The following CX3CR1 variants were observed in gnomAD, a reference collection of about 807,000 sequenced individuals.
The protein encoded by CX3CR1 is C-X3-C motif chemokine receptor 1, also known as CX3C chemokine receptor 1.
For missense variants in CX3CR1, 363 were observed against 432.4 expected (o/e 0.84, Z 1.42); for synonymous variants, 168 against 178.5 (o/e 0.94, Z 0.47).
At chr3:39,287,959 G>A in the CX3CR1 span, 8 of 151,070 alleles carry the variant, frequency 5.3e-5, no homozygotes, top group Non-Finnish European at 7.4e-5. Context: ...AAAAGCTCAC[G>A]TATGTGTGTG....
the CX3CR1 span, among the ~76,000 whole-genome samples, chr3:39,289,944 T>C: frequency 6.6e-6 from 1 of 152,242 alleles, no homozygotes; most frequent in African/African-American, 2.4e-5. Flanking sequence ...ATTTCTATTG[T>C]TTAAGCCACC....
chr3:39,284,994 GA>G (rs1482489979), upstream of CX3CR1, among the ~76,000 whole-genome samples: 3 of 151,992 alleles, frequency 2.0e-5, no homozygotes, highest in Admixed American at 1.3e-4. Context: ...TTCAGAAGCA[GA>G]AAAAAAGTCT....
chr3:39,282,277 G>T (rs375942989), upstream of CX3CR1, among the ~76,000 whole-genome samples: 1 of 152,078 alleles, frequency 6.6e-6, no homozygotes, highest in Admixed American at 6.6e-5. Flanking sequence ...CTGGCTCAGC[G>T]CTGGGAATTC....
upstream of CX3CR1, chr3:39,281,680 C>T (rs1277195372): frequency 5.0e-6 from 8 of 1,598,840 alleles, no homozygotes; most frequent in Non-Finnish European, 3.4e-6. Context: ...TTAAACGCCT[C>T]CAGGGGTTCT....
chr3:39,269,123 T>A (rs2040741608), intron 1 of CX3CR1, among the ~76,000 whole-genome samples: 1 of 151,518 alleles, frequency 6.6e-6, no homozygotes, highest in Admixed American at 6.6e-5. Flanking sequence ...TCTGTTTGGA[T>A]TAATATTGAT....
At chr3:39,277,241 T>C (rs978916396) in intron 1 of CX3CR1, among the ~76,000 whole-genome samples, 2 of 152,158 alleles carry the variant, frequency 1.3e-5, no homozygotes, top group African/African-American at 4.8e-5. Context: ...CAGCGTGCCG[T>C]GAGAATCCCA....
chr3:39,280,452 A>G (rs959015402), upstream of CX3CR1: 1 of 985,364 alleles, frequency 1.0e-6, no homozygotes, highest in African/African-American at 1.7e-5. Context: ...AGTCCCAGGC[A>G]CTGGGAGCTT....
chr3:39,273,092 CT>C (rs2040798190), intron 1 of CX3CR1, among the ~76,000 whole-genome samples: 1 of 152,274 alleles, frequency 6.6e-6, no homozygotes, highest in Non-Finnish European at 1.5e-5. Flanking sequence ...CCGCACAATG[CT>C]TTTCTCCCTG....
rs193246793 is a variant in CX3CR1 at position 39,265,628 on chromosome 3, T to C, written c.882A>G (p.Ala294=). 26 of 1,614,122 alleles carry C rather than the reference T, an allele frequency of 1.6e-5. No individual in the cohort carries two copies. The African/African-American group carries it at 3.2e-4, about 20-fold the overall frequency. Residue 294 remains alanine, a synonymous_variant, in exon 2 of 2, where the codon GCA becomes GCG. Coordinates refer to ENST00000399220, the MANE Select transcript of CX3CR1 (RefSeq NM_001337.4). Reference sequence around the variant, plus strand: ...ATCTTCTGAACTTCTCCCCAGCAAATGCATAGATGAGAGGATTCAGGCAAC... The same window carrying C: ...ATCTTCTGAACTTCTCCCCAGCAAACGCATAGATGAGAGGATTCAGGCAAC... ...SHCCLNPLIY[A]FAGEKFRRYL... is the part of the protein sequence containing the mutation.
chr3:39,281,072 C>T (rs780274346), upstream of CX3CR1: 101 of 991,536 alleles, frequency 1.0e-4, 1 homozygote, highest in Non-Finnish European at 1.2e-4. Context: ...CCGAGGACAG[C>T]GGGTGCTCTG....
chr3:39,283,820 TATATATATATATA>T (rs1177036199), upstream of CX3CR1, among the ~76,000 whole-genome samples: 2 of 69,238 alleles, frequency 2.9e-5, no homozygotes, highest in Non-Finnish European at 6.0e-5. Flanking sequence ...TATATATATA[TATATATATATATA>T]TATATATAAT....
chr3:39,283,727 C>T (rs184727194), upstream of CX3CR1, among the ~76,000 whole-genome samples: 2,288 of 142,166 alleles, frequency 0.016, 62 homozygotes, highest in African/African-American at 0.056. Context: ...TTGCAGTGAG[C>T]CGAGATAGCG....
chr3:39,287,601 G>A, the CX3CR1 span: 9 of 152,108 alleles, frequency 5.9e-5, no homozygotes, highest in Admixed American at 2.0e-4. Flanking sequence ...GACAAATTTG[G>A]AATATCCTTG....
At chr3:39,285,143 G>T (rs2040935622), upstream of CX3CR1, among the ~76,000 whole-genome samples, 1 of 150,446 alleles carries the variant, frequency 6.6e-6, no homozygotes, top group African/African-American at 2.4e-5. Context: ...GGAGGCCAAA[G>T]TGGGAAGATC....
At chr3:39,288,810 T>C in the CX3CR1 span, among the ~76,000 whole-genome samples, 12 of 152,238 alleles carry the variant, frequency 7.9e-5, no homozygotes, top group African/African-American at 2.7e-4. Flanking sequence ...CTGACCCTGC[T>C]ACTCTCAAGC....
the CX3CR1 span, among the ~76,000 whole-genome samples, chr3:39,290,256 G>A: frequency 4.2e-3 from 642 of 152,316 alleles, 6 homozygotes; most frequent in African/African-American, 0.014. Flanking sequence ...CAGTGACTGA[G>A]TGTCTTAGTG....
intron 1 of CX3CR1, among the ~76,000 whole-genome samples, chr3:39,276,746 T>C (rs2040845367): frequency 6.6e-6 from 1 of 152,248 alleles, no homozygotes; most frequent in South Asian, 2.1e-4. Context: ...AAAAGTTTAG[T>C]CTTGAGCCAA....
At chr3:39,290,772 T>A in the CX3CR1 span, among the ~76,000 whole-genome samples, 1 of 151,566 alleles carries the variant, frequency 6.6e-6, no homozygotes. Flanking sequence ...ATACAAAAAA[T>A]TTGCCAGGCA....
Position 39,264,358 on chromosome 3 carries a change from A to C in CX3CR1, c.*1084T>G, listed in dbSNP as rs1056449211. 1 of 152,264 alleles carries C rather than the reference A, an allele frequency of 6.6e-6. No homozygotes were observed. The highest frequency in any genetic ancestry group is 1.5e-5 in the Non-Finnish European group (1 of 68,066). 9.4% of individuals were successfully genotyped at this position (152,264 alleles called of 1,614,324 possible). A position where few individuals can be genotyped will look rare whatever the true frequency, so the allele number is the denominator to read the frequency against. On this transcript the variant is annotated 3_prime_UTR_variant, in exon 2 of 2. Coordinates refer to ENST00000399220, the MANE Select transcript of CX3CR1 (RefSeq NM_001337.4). ...CCTCATGCTGGAAAGGATGATCTCT[A>C]TGTGAAAGGTACCTTATCCCTCTTC...
Sources: allele counts gnomAD v4.1 joint callset (sites outside exome capture counted in the v4.1 genomes callset), GRCh38; gene constraint gnomAD v4.1.1; transcripts MANE v1.5; gene names NCBI Gene and HGNC (gene_info 2026-07-23, HGNC 2026-07-21).